Variants in MGAM observed in about 807,000 individuals in gnomAD.
MGAM encodes the protein maltase-glucoamylase.
Under a neutral mutation model 358.8 loss-of-function variants are expected in MGAM, and 253 were observed. That is an observed-to-expected ratio of 0.71 (90% CI 0.64 to 0.78). The LOEUF (loss-of-function observed/expected upper bound fraction) is 0.78. MGAM is among the 30% of genes least tolerant of loss of function. MGAM has a pLI of 0.00. For missense variants in MGAM, 3,080 were observed against 3,432.6 expected, an observed-to-expected ratio of 0.90 and a Z score of 2.57; for synonymous variants, 1,105 against 1,227.1, an observed-to-expected ratio of 0.90 and a Z score of 2.08.
chr7:141,997,864 G>A (rs985003134), intron 1 of MGAM, among the ~76,000 whole-genome samples: 11 of 151,992 alleles, frequency 7.2e-5, no homozygotes, highest in South Asian at 2.1e-4. Context: ...TACTAATATC[G>A]CCCAGCATTT....
Position 142,005,717 on chromosome 7 carries a change from A to T in MGAM, c.127+60A>T, listed in dbSNP as rs544374959. The stretch of plus-strand genomic sequence containing the variant: ...GTTTTTATTAGAGCAAACCTTCAAC[A>T]ATGTCAGGAAAGTAATGCTTTCATG... On this transcript the variant is annotated intron_variant, in intron 2 of 70. Coordinates refer to ENST00000475668, the MANE Select transcript of MGAM (RefSeq NM_001365693.1). 3.1e-5 allele frequency: 47 copies of T among 1,494,798 alleles called. 1 individual carries two copies. The South Asian group carries it at 5.1e-4, about 16-fold the overall frequency. 92.6% of individuals were successfully genotyped at this position (1,494,798 alleles called of 1,614,324 possible). A position where few individuals can be genotyped will look rare whatever the true frequency, so the allele number is the denominator to read the frequency against.
In MGAM at chr7:142,092,623, C is replaced by A. The variant is rs1481077768; in HGVS notation, c.7033+15C>A. On this transcript the variant is annotated intron_variant, in intron 59 of 70. Coordinates refer to ENST00000475668, the MANE Select transcript of MGAM (RefSeq NM_001365693.1). ...CTACATGCCGTGTAAGAATCCTTGG[C>A]CTTCTTGATTGGCAGAGCCATGATT... 1 of 1,519,468 alleles carries A rather than the reference C, an allele frequency of 6.6e-7. No homozygotes were observed. Among genetic ancestry groups the A allele is most frequent in the Admixed American group, 1.8e-5 (1 of 54,498 alleles). The allele number at this position is 1,519,468 out of a possible 1,614,324, so 94.1% of individuals were successfully genotyped here.
At chr7:142,045,560 G>T (rs1463023210) in intron 21 of MGAM, among the ~76,000 whole-genome samples, 3 of 16,212 alleles carry the variant, frequency 1.9e-4, no homozygotes, top group Non-Finnish European at 3.9e-4. Flanking sequence ...TACAATATAT[G>T]AATATATAAT....
At chr7:142,050,024 A>T (rs28559920) in intron 22 of MGAM, among the ~76,000 whole-genome samples, 2 of 152,196 alleles carry the variant, frequency 1.3e-5, no homozygotes, top group East Asian at 1.9e-4. Flanking sequence ...TATGTGCAAC[A>T]ACCAAGATAT....
intron 21 of MGAM, among the ~76,000 whole-genome samples, chr7:142,044,218 C>G (rs1215366641): frequency 1.1e-5 from 1 of 88,190 alleles, no homozygotes; most frequent in African/African-American, 3.1e-5. Flanking sequence ...ATTATATACA[C>G]ATACGACATA....
upstream of MGAM, among the ~76,000 whole-genome samples, chr7:141,991,967 A>T (rs1554447424): frequency 1.3e-5 from 2 of 152,102 alleles, no homozygotes; most frequent in Non-Finnish European, 2.9e-5. Context: ...AACATCATAG[A>T]TGTTGTGCAG....
intron 30 of MGAM, among the ~76,000 whole-genome samples, chr7:142,057,276 T>A (rs1213244365): frequency 6.6e-6 from 1 of 151,112 alleles, no homozygotes; most frequent in Non-Finnish European, 1.5e-5. Context: ...ATGATGGTGG[T>A]GGTAGTAGTG....
rs1811154157 is a variant in MGAM, at chr7:142,052,943, C to G, written c.3118C>G (p.Leu1040Val). The change falls in exon 26 of 71, where the codon CTG becomes GTG. Residue 1040 changes from leucine (L) to valine (V), a missense_variant. Coordinates refer to ENST00000475668, the MANE Select transcript of MGAM (RefSeq NM_001365693.1). The stretch of plus-strand genomic sequence containing the variant: ...CTCCACACCCGTGAACCCCCTTCGC[C>G]TGGATGTCACTTACCATAAGAATGA... ...FPSTPVNPLR[L>V]DVTYHKNEML... 1 of 1,613,882 alleles carries G rather than the reference C, an allele frequency of 6.2e-7. No individual in the cohort carries two copies. The highest frequency in any genetic ancestry group is 8.5e-7 in the Non-Finnish European group (1 of 1,179,840).
At chr7:142,044,932 T>C (rs1322852628) in intron 21 of MGAM, among the ~76,000 whole-genome samples, 5 of 97,610 alleles carry the variant, frequency 5.1e-5, no homozygotes, top group African/African-American at 1.5e-4. Flanking sequence ...ACGTGTAATA[T>C]ATGATATATA....
At chr7:142,040,092 A>G (rs1808363125) in intron 19 of MGAM, 23 bp from the exon 20 acceptor site, 4 of 1,576,998 alleles carry the variant, frequency 2.5e-6, no homozygotes, top group Middle Eastern at 1.7e-4. Flanking sequence ...CCCTCAGGGG[A>G]CACTACATTT....
intron 30 of MGAM, among the ~76,000 whole-genome samples, chr7:142,057,753 C>T (rs1811702108): frequency 6.6e-6 from 1 of 152,066 alleles, no homozygotes; most frequent in South Asian, 2.1e-4. Flanking sequence ...TCACTTGCTG[C>T]ATGTTAGAGC....
chr7:142,045,291 T>A (rs1584995710), intron 21 of MGAM, among the ~76,000 whole-genome samples: 1 of 104,642 alleles, frequency 9.6e-6, no homozygotes, highest in African/African-American at 3.8e-5. Context: ...ATATATGATA[T>A]ATAATATATA....
At chr7:142,080,651 A>T in intron 49 of MGAM, 140 bp from the exon 50 acceptor site, 1 of 769,712 alleles carries the variant, frequency 1.3e-6, no homozygotes, top group Non-Finnish European at 2.0e-6. Flanking sequence ...TTGATGTGTT[A>T]ATTAAATCTC....
rs187928529 is a variant in MGAM, at chr7:142,049,998, A to G, written c.2588-237A>G. Among the ~76,000 whole-genome samples, 408 of 152,346 alleles carry G rather than the reference A, an allele frequency of 2.7e-3. 2 individuals carry two copies. Among genetic ancestry groups the G allele is most frequent in the Non-Finnish European group, 4.4e-3 (298 of 68,026 alleles). On this transcript the variant is annotated intron_variant, in intron 22 of 70. Coordinates refer to ENST00000475668, the MANE Select transcript of MGAM (RefSeq NM_001365693.1). ...ATCTTTAAGAGATACAGTCACTCCC[A>G]CGTTCATTACAGCATTATGTGCAAC...
chr7:142,026,126 C>G (rs1554460879), intron 8 of MGAM, among the ~76,000 whole-genome samples: 1 of 151,994 alleles, frequency 6.6e-6, no homozygotes, highest in East Asian at 1.9e-4. Flanking sequence ...AGATACGAAT[C>G]AAGGTAATGA....
In MGAM at chr7:142,071,008, T is replaced by C; in HGVS notation, c.5076T>C (p.Asn1692=). Reference sequence around the variant, plus strand: ...TCTGCCCCCAGGGTGTGGATATTAATGCAAGAGGAGAGTGGAAGACCTTGC... The same window carrying C: ...TCTGCCCCCAGGGTGTGGATATTAACGCAAGAGGAGAGTGGAAGACCTTGC... ...WYDYYTGVDI[N]ARGEWKTLPA... The change falls in exon 44 of 71, where the codon AAT becomes AAC. Residue 1692 remains asparagine (N), a synonymous_variant. Coordinates refer to ENST00000475668, the MANE Select transcript of MGAM (RefSeq NM_001365693.1). The C allele has an allele frequency of 3.2e-6, 5 of 1,556,316 alleles. No homozygotes were observed. The highest frequency in any genetic ancestry group is 4.4e-6 in the Non-Finnish European group (5 of 1,132,512).
intron 1 of MGAM, among the ~76,000 whole-genome samples, chr7:141,997,234 C>T (rs1554448984): frequency 6.6e-6 from 1 of 152,162 alleles, no homozygotes; most frequent in East Asian, 1.9e-4. Flanking sequence ...AGGAAGACCT[C>T]CCAATGTCCA....
rs1563130476 is a variant in MGAM at position 142,030,742 on chromosome 7, T to C, written c.1455T>C (p.Thr485=). 3 of 1,606,670 alleles carry C rather than the reference T, an allele frequency of 1.9e-6. No individual in the cohort carries two copies. Among genetic ancestry groups the C allele is most frequent in the Non-Finnish European group, 2.6e-6 (3 of 1,173,504 alleles). ...GGGTGAATAGTTCAGATGGAGTGAC[T>C]CCACTCATTGGGGAGGTAACTTAAT... ...KIWVNSSDGV[T]PLIGEVWPGQ... is the part of the protein sequence containing the mutation. Residue 485 remains threonine (T), a synonymous_variant, in exon 12 of 71, where the codon ACT becomes ACC. Coordinates refer to ENST00000475668, the MANE Select transcript of MGAM (RefSeq NM_001365693.1).
At chr7:142,042,919 C>T (rs868353249) in intron 21 of MGAM, among the ~76,000 whole-genome samples, 552 of 43,684 alleles carry the variant, frequency 0.013, 3 homozygotes, top group African/African-American at 0.045. Context: ...ATTATATATA[C>T]ATATAATATC....
Sources: allele counts gnomAD v4.1 joint callset (sites outside exome capture counted in the v4.1 genomes callset), GRCh38; gene constraint gnomAD v4.1.1; transcripts MANE v1.5; gene names NCBI Gene and HGNC (gene_info 2026-07-23, HGNC 2026-07-21).